The following OR51B5 variants were observed in gnomAD, a reference collection of about 807,000 sequenced individuals.
OR51B5 encodes olfactory receptor family 51 subfamily B member 5, also known as olfactory receptor 51B5.
For synonymous variants in OR51B5, 186 were observed against 144.8 expected, an observed-to-expected ratio of 1.28 and a Z score of -2.04; for missense variants, 456 against 374.6, an observed-to-expected ratio of 1.22 and a Z score of -1.79.
At chr11:5,481,805 G>GA (rs1374354946) in intron 1 of OR51B5, among the ~76,000 whole-genome samples, 1 of 136,026 alleles carries the variant, frequency 7.4e-6, no homozygotes, top group Non-Finnish European at 1.5e-5. Flanking sequence ...CAAGGGATGT[G>GA]AAGGACCTCT....
At chr11:5,357,249 C>A (rs1849208124) in intron 1 of OR51B5, among the ~76,000 whole-genome samples, 1 of 151,968 alleles carries the variant, frequency 6.6e-6, no homozygotes, top group African/African-American at 2.4e-5. Context: ...TGCACACACA[C>A]ACATAGGCTC....
chr11:5,351,704 C>T, intron 1 of OR51B5: 1 of 1,614,016 alleles, frequency 6.2e-7, no homozygotes, highest in Non-Finnish European at 8.5e-7. Flanking sequence ...ATGTTGGCAG[C>T]TACAGACCTC....
chr11:5,348,929 G>C (rs1250701890), intron 1 of OR51B5, among the ~76,000 whole-genome samples: 1 of 152,116 alleles, frequency 6.6e-6, no homozygotes, highest in African/African-American at 2.4e-5. Flanking sequence ...ACAGAAAAGA[G>C]TGTCAGGAAA....
At chr11:5,423,665 C>G (rs1850396128) in intron 1 of OR51B5, among the ~76,000 whole-genome samples, 1 of 152,138 alleles carries the variant, frequency 6.6e-6, no homozygotes, top group African/African-American at 2.4e-5. Context: ...GTTTTTCTGC[C>G]ATTCAGATTT....
intron 1 of OR51B5, chr11:5,390,871 C>T (rs1205258770): frequency 6.4e-6 from 1 of 155,242 alleles, no homozygotes; most frequent in African/African-American, 2.4e-5. Flanking sequence ...TTCAGACCCC[C>T]AAGTCACATC....
chr11:5,491,339 C>A (rs1471629205), intron 1 of OR51B5, among the ~76,000 whole-genome samples: 2 of 152,154 alleles, frequency 1.3e-5, no homozygotes, highest in Non-Finnish European at 2.9e-5. Context: ...ATGGGTAAGA[C>A]AACAGGGTAA....
intron 1 of OR51B5, among the ~76,000 whole-genome samples, chr11:5,365,907 G>T (rs1849357327): frequency 6.6e-6 from 1 of 152,120 alleles, no homozygotes; most frequent in Non-Finnish European, 1.5e-5. Context: ...GTTCTGAAGG[G>T]TCTGACTGAC....
chr11:5,484,295 GT>G (rs1283540345), intron 1 of OR51B5, among the ~76,000 whole-genome samples: 1 of 152,108 alleles, frequency 6.6e-6, no homozygotes, highest in Non-Finnish European at 1.5e-5. Context: ...GTTCAATATC[GT>G]TTTCCCACTG....
At chr11:5,391,913 A>T (rs1313794901) in intron 1 of OR51B5, 1 of 152,150 alleles carries the variant, frequency 6.6e-6, no homozygotes. Context: ...TACAAAAAAA[A>T]TTAAAATTAG....
At chr11:5,495,194 G>A (rs1053968895) in intron 1 of OR51B5, among the ~76,000 whole-genome samples, 2 of 152,130 alleles carry the variant, frequency 1.3e-5, no homozygotes, top group Non-Finnish European at 2.9e-5. Flanking sequence ...CACTAGACCA[G>A]CCATACAAGA....
In OR51B5 at chr11:5,390,372, G is replaced by T. The variant is rs770578056; in HGVS notation, n.85-43462C>A. On this transcript the variant is annotated intron_variant and non_coding_transcript_variant, in intron 1 of 4. Transcript: ENST00000415970. The stretch of plus-strand genomic sequence containing the variant: ...AAGTTCCTAGGTCTTAAAAAGGCCA[G>T]TAAATGAGTCCTGGGGCTAAAACTC... 7 of 1,593,390 alleles carry T rather than the reference G, an allele frequency of 4.4e-6. No individual in the cohort carries two copies. The South Asian group carries it at 7.9e-5, about 18-fold the overall frequency.
chr11:5,412,425 G>T (rs539720345), intron 1 of OR51B5, among the ~76,000 whole-genome samples: 1 of 152,162 alleles, frequency 6.6e-6, no homozygotes, highest in Non-Finnish European at 1.5e-5. Context: ...ACTAGGGAGT[G>T]CCAGACAGTG....
chr11:5,443,638 G>A (rs1424488023), intron 1 of OR51B5, among the ~76,000 whole-genome samples: 1 of 151,922 alleles, frequency 6.6e-6, no homozygotes, highest in African/African-American at 2.4e-5. Flanking sequence ...TGCAAATTGA[G>A]GTAGTCTAGA....
At chr11:5,424,117 C>T (rs1047693425) in intron 1 of OR51B5, among the ~76,000 whole-genome samples, 1 of 152,156 alleles carries the variant, frequency 6.6e-6, no homozygotes, top group African/African-American at 2.4e-5. Context: ...TTGATCACAG[C>T]TTCTGATTGC....
chr11:5,452,979 A>C (rs1850880202), intron 1 of OR51B5, among the ~76,000 whole-genome samples: 1 of 152,162 alleles, frequency 6.6e-6, no homozygotes, highest in Non-Finnish European at 1.5e-5. Flanking sequence ...CCAAGCACAC[A>C]ACATGATACA....
intron 1 of OR51B5, chr11:5,453,703 C>A: frequency 6.2e-7 from 1 of 1,613,854 alleles, no homozygotes; most frequent in East Asian, 2.2e-5. Flanking sequence ...AGTGATGTGG[C>A]CATATCCATG....
At chr11:5,348,393 T>C (rs6578610), upstream of OR51B5, among the ~76,000 whole-genome samples, 115,134 of 151,982 alleles carry the variant, frequency 0.76, 44,568 homozygotes, top group African/African-American at 0.83. Flanking sequence ...GTCTTTTACC[T>C]TAGAAGTCCA....
chr11:5,453,805 TCTTCTC>T (rs748008469), intron 1 of OR51B5: 2 of 1,614,208 alleles, frequency 1.2e-6, no homozygotes, highest in East Asian at 2.2e-5. Flanking sequence ...CTTATTCACT[TCTTCTC>T]CATGATGGAA....
intron 1 of OR51B5, among the ~76,000 whole-genome samples, chr11:5,458,090 T>A (rs1479517347): frequency 1.3e-5 from 2 of 152,192 alleles, no homozygotes; most frequent in Non-Finnish European, 2.9e-5. Flanking sequence ...ATTTTTATAG[T>A]TTTAGTTATA....
Sources: allele counts gnomAD v4.1 joint callset (sites outside exome capture counted in the v4.1 genomes callset), GRCh38; gene constraint gnomAD v4.1.1; transcripts MANE v1.5; gene names NCBI Gene and HGNC (gene_info 2026-07-23, HGNC 2026-07-21).